PREX1: variants seen among roughly 807,000 people sequenced by gnomAD.
PREX1 encodes phosphatidylinositol 3,4,5-trisphosphate-dependent Rac exchanger 1 protein.
In PREX1, 41 loss-of-function variants were observed where a neutral mutation model predicts 198.3. The observed-to-expected ratio is 0.21, with a 90% confidence interval of 0.16 to 0.27. The LOEUF (loss-of-function observed/expected upper bound fraction) is 0.27, where lower values mean the gene tolerates loss of function less well. PREX1 is among the 10% of genes least tolerant of loss of function. PREX1 has a pLI of 1.00. For synonymous variants in PREX1, 843 were observed against 887.2 expected, an observed-to-expected ratio of 0.95 and a Z score of 0.89; for missense variants, 1,620 against 2,200.7, an observed-to-expected ratio of 0.74 and a Z score of 5.28.
chr20:48,690,072 T>TA (rs1196036316), intron 9 of PREX1, among the ~76,000 whole-genome samples: 1 of 152,152 alleles, frequency 6.6e-6, no homozygotes, highest in Non-Finnish European at 1.5e-5. Flanking sequence ...GACTGGTATG[T>TA]AGCAGTCGAG....
chr20:48,861,338 C>G, the PREX1 span, among the ~76,000 whole-genome samples: 1 of 152,202 alleles, frequency 6.6e-6, no homozygotes, highest in African/African-American at 2.4e-5. Context: ...CGCAAGTTGT[C>G]CAGGAATTAT....
the PREX1 span, among the ~76,000 whole-genome samples, chr20:48,882,429 G>C: frequency 1.3e-5 from 2 of 148,260 alleles, no homozygotes; most frequent in Admixed American, 1.4e-4. Flanking sequence ...GTGAACCCAG[G>C]AGGTGGAGCT....
At chr20:48,731,860 G>C (rs1264081638) in intron 4 of PREX1, among the ~76,000 whole-genome samples, 1 of 152,216 alleles carries the variant, frequency 6.6e-6, no homozygotes. Context: ...AGGAAGGAAA[G>C]AAAGAAAGAA....
At chr20:48,821,230 G>T (rs1244037085) in intron 1 of PREX1, among the ~76,000 whole-genome samples, 1 of 152,030 alleles carries the variant, frequency 6.6e-6, no homozygotes, top group Admixed American at 6.6e-5. Context: ...TTTTGATCCT[G>T]GCTAAAACAC....
intron 1 of PREX1, among the ~76,000 whole-genome samples, chr20:48,817,795 A>G (rs2090465247): frequency 6.6e-6 from 1 of 152,224 alleles, no homozygotes; most frequent in Non-Finnish European, 1.5e-5. Context: ...ACATAGGCAC[A>G]TATAGAAGCA....
intron 2 of PREX1, among the ~76,000 whole-genome samples, chr20:48,746,123 C>T (rs766736957): frequency 6.6e-6 from 1 of 152,182 alleles, no homozygotes; most frequent in Non-Finnish European, 1.5e-5. Context: ...AGGGTTCAAG[C>T]AATTCTCCTG....
At chr20:48,885,098 C>T in the PREX1 span, among the ~76,000 whole-genome samples, 1 of 152,152 alleles carries the variant, frequency 6.6e-6, no homozygotes, top group African/African-American at 2.4e-5. Context: ...AGTAGTACCA[C>T]TTTTAGGGAT....
intron 31 of PREX1, among the ~76,000 whole-genome samples, chr20:48,637,348 G>C (rs2089372632): frequency 6.6e-6 from 1 of 152,220 alleles, no homozygotes; most frequent in Non-Finnish European, 1.5e-5. Flanking sequence ...GATAGAGAAG[G>C]TCTCCAAGAT....
chr20:48,759,422 C>A (rs2090169000), intron 1 of PREX1, among the ~76,000 whole-genome samples: 2 of 151,790 alleles, frequency 1.3e-5, no homozygotes, highest in African/African-American at 2.4e-5. Context: ...TGGTGGCTCA[C>A]ATCTGTAATC....
intron 1 of PREX1, among the ~76,000 whole-genome samples, chr20:48,754,138 G>A (rs991108203): frequency 1.3e-5 from 2 of 152,238 alleles, no homozygotes; most frequent in African/African-American, 4.8e-5. Flanking sequence ...ATCGAGCTGG[G>A]AGAGGCAACT....
chr20:48,872,283 T>C, the PREX1 span, among the ~76,000 whole-genome samples: 1 of 152,144 alleles, frequency 6.6e-6, no homozygotes, highest in Non-Finnish European at 1.5e-5. Flanking sequence ...TGGTTTTTTT[T>C]CACTGAGCAC....
At chr20:48,689,613 A>G (rs1189944668) in intron 9 of PREX1, among the ~76,000 whole-genome samples, 2 of 152,150 alleles carry the variant, frequency 1.3e-5, no homozygotes, top group Non-Finnish European at 2.9e-5. Context: ...AAGACCACAA[A>G]GATACTGATC....
At chr20:48,734,704 C>T in intron 3 of PREX1, 54 bp from the exon 4 acceptor site, 1 of 1,507,988 alleles carries the variant, frequency 6.6e-7, no homozygotes, top group Non-Finnish European at 9.2e-7. Flanking sequence ...CAGGCAGGTG[C>T]CCTGACACAT....
chr20:48,774,342 C>T (rs554696719), intron 1 of PREX1, among the ~76,000 whole-genome samples: 9 of 152,294 alleles, frequency 5.9e-5, no homozygotes, highest in South Asian at 2.1e-4. Context: ...TGGGGACACA[C>T]GAGGGAGGGG....
intron 1 of PREX1, among the ~76,000 whole-genome samples, chr20:48,817,859 T>C (rs1001330802): frequency 2.6e-5 from 4 of 152,186 alleles, no homozygotes; most frequent in African/African-American, 7.2e-5. Flanking sequence ...GCAGGCATTG[T>C]TGGTGCTGGA....
chr20:48,655,153 C>T, intron 19 of PREX1, 137 bp downstream of exon 19: 2 of 932,840 alleles, frequency 2.1e-6, no homozygotes, highest in Non-Finnish European at 3.2e-6. Context: ...CAAGTCTTGG[C>T]ATCAGGCAAA....
intron 1 of PREX1, among the ~76,000 whole-genome samples, chr20:48,816,594 G>A (rs2090460203): frequency 6.6e-6 from 1 of 152,238 alleles, no homozygotes; most frequent in East Asian, 1.9e-4. Context: ...TGATTCACCT[G>A]CTGGCCGTGA....
chr20:48,867,270 G>A, the PREX1 span, among the ~76,000 whole-genome samples: 1 of 152,192 alleles, frequency 6.6e-6, no homozygotes, highest in Non-Finnish European at 1.5e-5. Flanking sequence ...GTAACAGGTG[G>A]GAAAATAGAG....
intron 7 of PREX1, among the ~76,000 whole-genome samples, chr20:48,697,423 C>G (rs1457713667): frequency 1.3e-5 from 2 of 151,474 alleles, no homozygotes; most frequent in Admixed American, 6.6e-5. Flanking sequence ...CTCTGTCCCC[C>G]AGGCTGGAGT....
Sources: gnomAD v4.1 joint callset for allele counts (sites outside exome capture counted in the v4.1 genomes callset) on GRCh38, gnomAD v4.1.1 for gene constraint, MANE v1.5 for transcripts, NCBI Gene and HGNC (gene_info 2026-07-23, HGNC 2026-07-21) for gene names.